Variants in ZNF500 observed in about 807,000 individuals in gnomAD.
ZNF500 encodes the protein zinc finger protein with KRAB and SCAN domains 18.
Under a neutral mutation model 30.1 loss-of-function variants are expected in ZNF500, and 31 were observed. That is an observed-to-expected ratio of 1.03 (90% confidence interval 0.77 to 1.39). The LOEUF is 1.39. ZNF500 is among the 40% of genes most tolerant of loss of function. The pLI is 0.00. For synonymous variants in ZNF500, 392 were observed against 282.0 expected (o/e 1.39, Z -3.91); for missense variants, 817 against 657.8 (o/e 1.24, Z -2.65).
chr16:4,763,835 C>T (rs1260261320), intron 2 of ZNF500: 5 of 985,454 alleles, frequency 5.1e-6, no homozygotes, highest in Non-Finnish European at 6.0e-6. Context: ...GGTCAGCTCA[C>T]GCCGTGGTCA....
At chr16:4,744,759 G>C, downstream of ZNF500, 1 of 1,347,818 alleles carries the variant, frequency 7.4e-7, no homozygotes, top group Non-Finnish European at 1.0e-6. Flanking sequence ...CAGTGGAGGA[G>C]CCTGAGGTCC....
chr16:4,744,903 T>G, downstream of ZNF500: 2 of 1,613,846 alleles, frequency 1.2e-6, no homozygotes, highest in Non-Finnish European at 1.7e-6. Flanking sequence ...AACAGGCTCA[T>G]GGAACAGCTG....
In ZNF500 at chr16:4,752,688, G is replaced by A. The variant is rs377682454; in HGVS notation, c.1131C>T (p.Gly377=). ...NFSTHQRVHT[G]EKPYPCPECG... ...ACTCGGGGCACGGGTAGGGCTTCTCGCCTGTGTGCACCCTCTGGTGCGTGC... is the reference window on the plus strand; with the variant it reads ...ACTCGGGGCACGGGTAGGGCTTCTCACCTGTGTGCACCCTCTGGTGCGTGC... The change falls in exon 6 of 6, where the codon GGC becomes GGT. Residue 377 remains glycine, a synonymous_variant. Transcript: ENST00000219478. The A allele has an allele frequency of 9.3e-6, 15 of 1,613,974 alleles. No homozygotes were observed. The highest frequency in any genetic ancestry group is 8.9e-5 in the East Asian group (4 of 44,890).
intron 5 of ZNF500, among the ~76,000 whole-genome samples, chr16:4,755,245 T>C (rs753645641): frequency 1.3e-5 from 2 of 152,192 alleles, no homozygotes; most frequent in Non-Finnish European, 2.9e-5. Context: ...TCCTCCCACC[T>C]CAGCCTCCCA....
chr16:4,762,744 G>C lies in ZNF500; in HGVS notation c.427C>G (p.Leu143Val). ...RKHRQRGSEL[L>V]SDDEVPLGIG... ...CCGAGGGGCACCTCGTCATCAGAAAGCAGCTCTGAGCCCTGCACACAGACA... is the reference window on the plus strand; with the variant it reads ...CCGAGGGGCACCTCGTCATCAGAAACCAGCTCTGAGCCCTGCACACAGACA... The change falls in exon 3 of 6, where the codon CTT (leucine) becomes GTT (valine). Residue 143 changes from leucine to valine, a missense_variant. Leu to Val is a conservative substitution (Grantham distance 32, BLOSUM62 1). Coordinates refer to ENST00000219478, the MANE Select transcript of ZNF500 (RefSeq NM_021646.4). The C allele has an allele frequency of 1.0e-5, 16 of 1,606,738 alleles. No individual in the cohort carries two copies. Among genetic ancestry groups the C allele is most frequent in the Non-Finnish European group, 1.3e-5 (15 of 1,176,310 alleles).
chr16:4,761,890 C>CAAAAA (rs1567534492), intron 4 of ZNF500, among the ~76,000 whole-genome samples: 3 of 147,702 alleles, frequency 2.0e-5, no homozygotes, highest in African/African-American at 8.0e-5. Context: ...CAAACAAAAA[C>CAAAAA]CCCAAAAAAA....
At chr16:4,746,554 CAG>C (rs775142527), downstream of ZNF500, 23 of 1,588,622 alleles carry the variant, frequency 1.4e-5, no homozygotes, top group Admixed American at 7.1e-5. Context: ...CTCTACTTTG[CAG>C]AGTTGCCTGT....
intron 2 of ZNF500, 177 bp from the exon 3 acceptor site, chr16:4,762,933 C>A (rs1218138766): frequency 1.1e-5 from 11 of 985,296 alleles, no homozygotes; most frequent in African/African-American, 3.5e-5. Flanking sequence ...AGCTCCCAGC[C>A]TGCTCTACTC....
At chr16:4,746,517 G>A (rs200828958), downstream of ZNF500, 193 of 1,612,230 alleles carry the variant, frequency 1.2e-4, no homozygotes, top group Admixed American at 4.0e-4. Flanking sequence ...AGAAAGGTCC[G>A]GAGGGCAGTG....
intron 5 of ZNF500, among the ~76,000 whole-genome samples, chr16:4,754,589 G>A (rs773002215): frequency 6.6e-6 from 1 of 151,476 alleles, no homozygotes; most frequent in South Asian, 2.1e-4. Flanking sequence ...GCTTGAACTC[G>A]GGAGGCAGAA....
intron 2 of ZNF500, chr16:4,764,044 G>C: frequency 1.0e-6 from 1 of 985,428 alleles, no homozygotes; most frequent in Non-Finnish European, 1.2e-6. Flanking sequence ...AACTGAAGCA[G>C]CAGGAATGAG....
At chr16:4,758,200 A>ATT (rs76669087) in intron 5 of ZNF500, 2 of 146,992 alleles carry the variant, frequency 1.4e-5, no homozygotes, top group African/African-American at 2.5e-5. Context: ...GTGCCTGGCC[A>ATT]TTTTTTTTTT....
chr16:4,766,700 G>T (rs559807987), intron 1 of ZNF500, among the ~76,000 whole-genome samples: 1 of 152,190 alleles, frequency 6.6e-6, no homozygotes, highest in African/African-American at 2.4e-5. Flanking sequence ...TATATGGAAG[G>T]GGTTCCTTTG....
At chr16:4,766,262 T>C (rs1178214157) in intron 1 of ZNF500, among the ~76,000 whole-genome samples, 186 bp from the exon 2 acceptor site, 1 of 152,242 alleles carries the variant, frequency 6.6e-6, no homozygotes, top group Non-Finnish European at 1.5e-5. Flanking sequence ...TGAAGGGCTC[T>C]GGGCTTTGCT....
chr16:4,750,772 G>A lies in ZNF500; in HGVS notation c.*1604C>T, dbSNP rs137913705. The A allele has an allele frequency of 0.019, 2,832 of 149,048 alleles. 45 individuals are homozygous for A. Among genetic ancestry groups the A allele is most frequent in the Non-Finnish European group, 0.031 (2,068 of 67,706 alleles). The allele number at this position is 149,048 out of a possible 1,614,324, so 9.2% of individuals were successfully genotyped here. A position where few individuals can be genotyped will look rare whatever the true frequency, so the allele number is the denominator to read the frequency against. ...CTCCCAAAGTGCTGGGATTACAAGC[G>A]TGAGCCACTGCACCTGGCTTTTTTT... On this transcript the variant is annotated 3_prime_UTR_variant, in exon 6 of 6. Transcript: ENST00000219478.
downstream of ZNF500, chr16:4,744,733 G>A (rs1306114524): frequency 2.7e-6 from 3 of 1,104,002 alleles, no homozygotes; most frequent in Admixed American, 7.6e-5. Context: ...TGAGTAGGGA[G>A]AGGGCTGGGC....
chr16:4,762,899 C>T, intron 2 of ZNF500, 143 bp from the exon 3 acceptor site: 14 of 1,414,032 alleles, frequency 9.9e-6, no homozygotes, highest in South Asian at 1.6e-5. Flanking sequence ...TCTGCCCAGC[C>T]GTGTGGCAGT....
At chr16:4,762,375 C>T (rs778094865) in intron 3 of ZNF500, 40 bp from the exon 4 acceptor site, 1 of 1,567,488 alleles carries the variant, frequency 6.4e-7, no homozygotes, top group Middle Eastern at 1.8e-4. Flanking sequence ...CACAGCTCAC[C>T]CAGTACTGCC....
Position 4,765,889 on chromosome 16 carries a change from G to A in ZNF500, c.90C>T (p.Asp30=). 1.2e-6 allele frequency: 2 copies of A among 1,613,554 alleles called. No individual in the cohort carries two copies. Among genetic ancestry groups the A allele is most frequent in the Non-Finnish European group, 1.7e-6 (2 of 1,179,960 alleles). Residue 30 remains aspartate (D), a synonymous_variant, in exon 2 of 6, where the codon GAC becomes GAT. Coordinates refer to ENST00000219478, the MANE Select transcript of ZNF500 (RefSeq NM_021646.4). ...EEILIVKVEE[D]FCLEEEPSVE... ...CGGAGGGCTCCTCTTCCAAGCAGAA[G>A]TCCTCCTCCACCTTCACAATCAGGA...
Sources: allele counts gnomAD v4.1 joint callset (sites outside exome capture counted in the v4.1 genomes callset), GRCh38; gene constraint gnomAD v4.1.1; transcripts MANE v1.5; gene names NCBI Gene and HGNC (gene_info 2026-07-23, HGNC 2026-07-21).